SHISA6: variants seen among roughly 807,000 people sequenced by gnomAD.
SHISA6 encodes shisa family member 6.
In SHISA6, 22 loss-of-function variants were observed where a neutral mutation model predicts 47.9. The observed-to-expected ratio is 0.46, with a 90% CI of 0.33 to 0.66. SHISA6 has a LOEUF of 0.66. SHISA6 is among the 30% of genes least tolerant of loss of function. SHISA6 has a pLI of 0.02. For missense variants in SHISA6, 680 were observed against 764.6 expected (o/e 0.89, Z 1.30); for synonymous variants, 388 against 337.8 (o/e 1.15, Z -1.63).
intron 3 of SHISA6, among the ~76,000 whole-genome samples, chr17:11,533,180 CCACAAA>C (rs1248311671): frequency 3.9e-5 from 6 of 152,160 alleles, no homozygotes; most frequent in Non-Finnish European, 8.8e-5. Flanking sequence ...TGCTCATTAG[CCACAAA>C]CACCATAAGT....
At chr17:11,262,541 T>C (rs910251475) in intron 1 of SHISA6, among the ~76,000 whole-genome samples, 3 of 152,184 alleles carry the variant, frequency 2.0e-5, no homozygotes, top group African/African-American at 7.2e-5. Context: ...TATGAACCCC[T>C]AGATGGCAGG....
intron 3 of SHISA6, among the ~76,000 whole-genome samples, chr17:11,526,894 T>C (rs1344907906): frequency 6.5e-5 from 1 of 15,332 alleles, no homozygotes; most frequent in Non-Finnish European, 1.1e-4. Flanking sequence ...TATATATATA[T>C]ATATATATAT....
chr17:11,532,738 GCTT>G (rs2071746441), intron 3 of SHISA6, among the ~76,000 whole-genome samples: 1 of 121,624 alleles, frequency 8.2e-6, no homozygotes, highest in Non-Finnish European at 1.7e-5. Context: ...TTCTATCAGG[GCTT>G]TTTTTTTTTT....
intron 3 of SHISA6, among the ~76,000 whole-genome samples, chr17:11,443,402 T>A (rs529807362): frequency 6.6e-6 from 1 of 152,296 alleles, no homozygotes; most frequent in African/African-American, 2.4e-5. Flanking sequence ...TTATGATTTG[T>A]GCTGCAAAAG....
intron 2 of SHISA6, among the ~76,000 whole-genome samples, chr17:11,296,932 A>G (rs922202105): frequency 1.3e-5 from 2 of 152,180 alleles, no homozygotes; most frequent in African/African-American, 4.8e-5. Context: ...AAATGATTAG[A>G]GAACGGAGGA....
intron 3 of SHISA6, among the ~76,000 whole-genome samples, chr17:11,505,917 C>T (rs1052087063): frequency 1.3e-5 from 2 of 152,084 alleles, no homozygotes; most frequent in South Asian, 2.1e-4. Context: ...GTCCACGATG[C>T]GTATTGGAAT....
At chr17:11,426,737 G>C (rs1376109152) in intron 3 of SHISA6, among the ~76,000 whole-genome samples, 2 of 152,196 alleles carry the variant, frequency 1.3e-5, no homozygotes, top group African/African-American at 4.8e-5. Flanking sequence ...ACAAATATTT[G>C]TTGGATGCGA....
intron 2 of SHISA6, among the ~76,000 whole-genome samples, chr17:11,270,844 G>T (rs1433281644): frequency 6.6e-6 from 1 of 152,198 alleles, no homozygotes; most frequent in African/African-American, 2.4e-5. Context: ...TCCCATAGGG[G>T]AATGGATGGC....
chr17:11,502,713 C>G (rs9900086), intron 3 of SHISA6, among the ~76,000 whole-genome samples: 3,570 of 152,254 alleles, frequency 0.023, 137 homozygotes, highest in African/African-American at 0.08. Context: ...GATGACAGAG[C>G]GAGACTCCGT....
chr17:11,355,302 C>T (rs542373771), intron 2 of SHISA6, among the ~76,000 whole-genome samples: 6 of 152,340 alleles, frequency 3.9e-5, no homozygotes, highest in South Asian at 4.1e-4. Flanking sequence ...ACTGTCCCCT[C>T]GTGGTATCAC....
intron 2 of SHISA6, among the ~76,000 whole-genome samples, chr17:11,328,973 G>A (rs1170521104): frequency 4.6e-5 from 7 of 152,312 alleles, no homozygotes; most frequent in Admixed American, 4.6e-4. Flanking sequence ...TGCTAATAAC[G>A]ATGGTGATGA....
intron 2 of SHISA6, among the ~76,000 whole-genome samples, chr17:11,372,505 C>T (rs1263011917): frequency 1.3e-5 from 2 of 152,056 alleles, no homozygotes; most frequent in Non-Finnish European, 2.9e-5. Flanking sequence ...TTTTAAATAT[C>T]CATTAGCCTT....
In SHISA6 at chr17:11,521,464, G is replaced by A. The variant is rs1597566340; in HGVS notation, c.896-30432G>A. Among the ~76,000 whole-genome samples the A allele has an allele frequency of 4.6e-5, 7 of 152,188 alleles. 1 individual carries two copies. The South Asian group carries it at 1.5e-3, about 32-fold the overall frequency. On this transcript the variant is annotated intron_variant, in intron 3 of 5. Transcript: ENST00000441885. ...TAAAGTTTTAGAAACTCTTCATTGTGATGGCCACCTATCAAATACTAGTGA... is the reference window on the plus strand; with the variant it reads ...TAAAGTTTTAGAAACTCTTCATTGTAATGGCCACCTATCAAATACTAGTGA...
chr17:11,254,873 C>T (rs1005096012), intron 1 of SHISA6, among the ~76,000 whole-genome samples: 1 of 152,228 alleles, frequency 6.6e-6, no homozygotes, highest in African/African-American at 2.4e-5. Flanking sequence ...GGTTCAACTT[C>T]ACACTGGGGC....
chr17:11,469,909 T>G (rs1388540107), intron 3 of SHISA6, among the ~76,000 whole-genome samples: 2 of 152,178 alleles, frequency 1.3e-5, no homozygotes, highest in Non-Finnish European at 2.9e-5. Context: ...AAACAGGGCC[T>G]TTAAGCAGGT....
intron 3 of SHISA6, among the ~76,000 whole-genome samples, chr17:11,414,640 T>TA (rs1321464509): frequency 6.6e-6 from 1 of 152,314 alleles, no homozygotes; most frequent in Middle Eastern, 3.4e-3. Context: ...AACCCACATA[T>TA]AATAATACTC....
At chr17:11,528,846 G>A (rs2071709130) in intron 3 of SHISA6, among the ~76,000 whole-genome samples, 2 of 152,124 alleles carry the variant, frequency 1.3e-5, no homozygotes, top group Admixed American at 1.3e-4. Context: ...CTTATTTTGA[G>A]ATGCTTTTCC....
At chr17:11,529,578 GC>G (rs2071715599) in intron 3 of SHISA6, among the ~76,000 whole-genome samples, 1 of 152,178 alleles carries the variant, frequency 6.6e-6, no homozygotes, top group Non-Finnish European at 1.5e-5. Flanking sequence ...ATCTCTTTGA[GC>G]ATATCCCTAC....
intron 3 of SHISA6, among the ~76,000 whole-genome samples, chr17:11,516,991 C>T (rs1567626904): frequency 6.6e-6 from 1 of 152,130 alleles, no homozygotes; most frequent in Non-Finnish European, 1.5e-5. Flanking sequence ...GGACCTGGTA[C>T]CCCTGGTAGA....
Sources: gnomAD v4.1 joint callset for allele counts (sites outside exome capture counted in the v4.1 genomes callset) on GRCh38, gnomAD v4.1.1 for gene constraint, MANE v1.5 for transcripts, NCBI Gene and HGNC (gene_info 2026-07-23, HGNC 2026-07-21) for gene names.